Variants in GLRA3 observed in about 807,000 individuals in gnomAD.
GLRA3 encodes glycine receptor subunit alpha-3.
In GLRA3, 44 loss-of-function variants were observed where a neutral mutation model predicts 60.4. That is an observed-to-expected ratio of 0.73 (90% CI 0.57 to 0.94). The LOEUF is 0.94. Ranked by LOEUF, GLRA3 falls within the 40% of genes least tolerant of loss-of-function variation. The pLI is 0.00. For missense variants in GLRA3, 508 were observed against 564.6 expected (o/e 0.90, Z 1.02); for synonymous variants, 223 against 192.9 (o/e 1.16, Z -1.29).
At chr4:174,676,733 C>T (rs1193864544) in intron 7 of GLRA3, among the ~76,000 whole-genome samples, 2 of 151,840 alleles carry the variant, frequency 1.3e-5, no homozygotes, top group Non-Finnish European at 2.9e-5. Context: ...AGTACTATGC[C>T]ACCATTTAAA....
rs181404092 is a variant in GLRA3 at position 174,721,618 on chromosome 4, G to C, written c.492-6048C>G. On this transcript the variant is annotated intron_variant, in intron 4 of 9. Coordinates refer to ENST00000274093, the MANE Select transcript of GLRA3 (RefSeq NM_006529.4). Reference sequence around the variant, plus strand: ...GAGTAATGGTCTTGACTGTAGGATAGTAATATGGCTGCTCAGAGGTTCTCC... The same window carrying C: ...GAGTAATGGTCTTGACTGTAGGATACTAATATGGCTGCTCAGAGGTTCTCC... Among the ~76,000 whole-genome samples, 600 of 151,956 alleles carry C rather than the reference G, an allele frequency of 3.9e-3. 1 individual carries two copies. The highest frequency in any genetic ancestry group is 5.4e-3 in the Non-Finnish European group (366 of 67,942).
At chr4:174,816,576 A>T (rs868722070) in intron 1 of GLRA3, among the ~76,000 whole-genome samples, 17 of 151,250 alleles carry the variant, frequency 1.1e-4, no homozygotes, top group South Asian at 6.2e-4. Flanking sequence ...AATAAATATG[A>T]TTATCTTACA....
At position 174,644,633 on chromosome 4, in the gene GLRA3, T is replaced by C. The variant is rs144475149; in HGVS notation, c.1117-569A>G. On this transcript the variant is annotated intron_variant, in intron 9 of 9. Coordinates refer to ENST00000274093, the MANE Select transcript of GLRA3 (RefSeq NM_006529.4). ...CTGTTTTACACTAACCTTTTTGGAATACTTAGAAGATGGCCATGTATTCTA... is the reference window on the plus strand; with the variant it reads ...CTGTTTTACACTAACCTTTTTGGAACACTTAGAAGATGGCCATGTATTCTA... Among the ~76,000 whole-genome samples the C allele has an allele frequency of 6.5e-3, 988 of 152,324 alleles. 16 individuals carry two copies. The highest frequency in any genetic ancestry group is 0.021 in the African/African-American group (893 of 41,590).
chr4:174,781,140 A>G (rs1738851646), intron 2 of GLRA3, among the ~76,000 whole-genome samples: 1 of 152,144 alleles, frequency 6.6e-6, no homozygotes, highest in South Asian at 2.1e-4. Context: ...CAATCAAACT[A>G]GAACTCAGGA....
intron 4 of GLRA3, among the ~76,000 whole-genome samples, chr4:174,726,667 G>C (rs569495240): frequency 6.6e-6 from 1 of 152,266 alleles, no homozygotes; most frequent in East Asian, 1.9e-4. Context: ...TGTTCCTCAG[G>C]TTCCAAGGTA....
chr4:174,805,482 G>C (rs964658132), intron 1 of GLRA3, among the ~76,000 whole-genome samples: 4 of 151,994 alleles, frequency 2.6e-5, no homozygotes, highest in Non-Finnish European at 1.5e-5. Context: ...CTACCAGTAG[G>C]CTTCATTGAC....
At chr4:174,652,661 A>G (rs1733064291) in intron 9 of GLRA3, among the ~76,000 whole-genome samples, 1 of 152,090 alleles carries the variant, frequency 6.6e-6, no homozygotes, top group Non-Finnish European at 1.5e-5. Flanking sequence ...TTCAATTATT[A>G]TGCCAAGCAC....
At chr4:174,750,153 C>T (rs1010825289) in intron 3 of GLRA3, among the ~76,000 whole-genome samples, 1 of 152,020 alleles carries the variant, frequency 6.6e-6, no homozygotes, top group Non-Finnish European at 1.5e-5. Context: ...CTAGATTTTA[C>T]CATTTTTTGT....
intron 5 of GLRA3, among the ~76,000 whole-genome samples, chr4:174,711,315 T>TAAG (rs1226459677): frequency 2.6e-5 from 4 of 151,722 alleles, no homozygotes; most frequent in African/African-American, 9.7e-5. Context: ...TGTTCAAATA[T>TAAG]ACTGTGCTTG....
intron 9 of GLRA3, among the ~76,000 whole-genome samples, chr4:174,650,795 G>A (rs1732998052): frequency 6.6e-6 from 1 of 152,152 alleles, no homozygotes; most frequent in African/African-American, 2.4e-5. Flanking sequence ...TACCCAGAAT[G>A]GTCTGAACCT....
At chr4:174,767,127 C>T (rs1579573874) in intron 2 of GLRA3, 97 bp from the exon 3 acceptor site, 2 of 151,630 alleles carry the variant, frequency 1.3e-5, no homozygotes. Context: ...CCATTTTACA[C>T]ACACACACAC....
chr4:174,659,134 G>A lies in GLRA3; in HGVS notation c.991C>T (p.Leu331Phe). Residue 331 changes from leucine (L) to phenylalanine (F), a missense_variant, in exon 8 of 10, where the codon CTT becomes TTT. By Grantham distance (22) the Leu-to-Phe change is conservative (BLOSUM62 0). Around this residue, in one of 3 missense-constraint regions of GLRA3, gnomAD observed 176 missense variants for 197.9 expected, o/e 0.89. Transcript: ENST00000274093. Reference protein sequence around the residue: ...AVCLLFVFSALLEYAAVNFVS... With the variant: ...AVCLLFVFSAFLEYAAVNFVS... ...AAATTTACAGCTGCATACTCCAGAA[G>A]TGCTGAAAACACAAAAAGGAGGCAT... The A allele has an allele frequency of 1.2e-6, 2 of 1,611,642 alleles. No homozygotes were observed. Among genetic ancestry groups the A allele is most frequent in the Non-Finnish European group, 1.7e-6 (2 of 1,178,058 alleles).
intron 5 of GLRA3, among the ~76,000 whole-genome samples, chr4:174,710,773 T>G (rs771129470): frequency 6.6e-6 from 1 of 152,154 alleles, no homozygotes; most frequent in Admixed American, 6.5e-5. Flanking sequence ...ATTTTTGATA[T>G]TCAATCAACC....
Position 174,643,795 on chromosome 4 carries a change from C to A in GLRA3, c.1386G>T (p.Gln462His). ...KILRHEDIHQQQD is the reference protein window; with the variant it reads ...KILRHEDIHQHQD ...GCATGCCCCCAGAGACTTAATCTTG[C>A]TGCTGATGAATATCCTCATGCCTAA... The change falls in exon 10 of 10, where the codon CAG becomes CAT. Residue 462 changes from glutamine (Q) to histidine (H), a missense_variant. Around this residue, in one of 3 missense-constraint regions of GLRA3, gnomAD observed 176 missense variants for 197.9 expected, o/e 0.89. Coordinates refer to ENST00000274093, the MANE Select transcript of GLRA3 (RefSeq NM_006529.4). 2 of 1,611,564 alleles carry A rather than the reference C, an allele frequency of 1.2e-6. No individual in the cohort carries two copies. The highest frequency in any genetic ancestry group is 8.5e-7 in the Non-Finnish European group (1 of 1,178,282).
At chr4:174,766,750 T>G (rs1003025448) in intron 3 of GLRA3, among the ~76,000 whole-genome samples, 1 of 151,994 alleles carries the variant, frequency 6.6e-6, no homozygotes, top group Non-Finnish European at 1.5e-5. Context: ...ATGGAGAAAA[T>G]CAATGTTGTT....
chr4:174,744,134 T>C (rs1010070529), intron 3 of GLRA3, among the ~76,000 whole-genome samples: 1 of 152,252 alleles, frequency 6.6e-6, no homozygotes, highest in Admixed American at 6.5e-5. Flanking sequence ...CTGAGAGCTA[T>C]GTGTCTGGGG....
chr4:174,755,676 A>G (rs1473902166), intron 3 of GLRA3, among the ~76,000 whole-genome samples: 6 of 152,108 alleles, frequency 3.9e-5, no homozygotes, highest in Non-Finnish European at 8.8e-5. Context: ...TATAAGAGAT[A>G]GAAACACAGA....
chr4:174,721,731 C>T (rs960382110), intron 4 of GLRA3, among the ~76,000 whole-genome samples: 13 of 149,710 alleles, frequency 8.7e-5, no homozygotes, highest in African/African-American at 3.2e-4. Context: ...GATATAAATG[C>T]CATATAACTA....
intron 9 of GLRA3, among the ~76,000 whole-genome samples, chr4:174,644,559 G>A (rs891665890): frequency 1.3e-5 from 2 of 152,046 alleles, no homozygotes; most frequent in Admixed American, 6.6e-5. Flanking sequence ...ATACAGTCTA[G>A]TTCAATAATA....
Sources: allele counts gnomAD v4.1 joint callset (sites outside exome capture counted in the v4.1 genomes callset), GRCh38; gene constraint gnomAD v4.1.1; regional missense constraint gnomAD v4.1.1; transcripts MANE v1.5; gene names NCBI Gene and HGNC (gene_info 2026-07-23, HGNC 2026-07-21).